Variants in FRA10AC1 observed in about 807,000 individuals in gnomAD.
FRA10AC1 encodes protein FRA10AC1.
Under a neutral mutation model 56.5 loss-of-function variants are expected in FRA10AC1, and 43 were observed. That is an observed-to-expected ratio of 0.76 (90% CI 0.60 to 0.98). FRA10AC1 has a LOEUF of 0.98. Ranked by LOEUF, FRA10AC1 falls within the 50% of genes least tolerant of loss-of-function variation. The pLI is 0.00. For synonymous variants in FRA10AC1, 112 were observed against 110.5 expected (o/e 1.01, Z -0.09); for missense variants, 346 against 351.8 (o/e 0.98, Z 0.13).
intron 8 of FRA10AC1, 66 bp from the exon 9 acceptor site, chr10:93,685,425 T>C (rs1179854954): frequency 1.4e-6 from 1 of 739,316 alleles, no homozygotes; most frequent in Non-Finnish European, 2.3e-6. Flanking sequence ...TGATCTAGTA[T>C]TACCCCTAAA....
intron 11 of FRA10AC1, among the ~76,000 whole-genome samples, chr10:93,681,211 G>A (rs2058928728): frequency 6.6e-6 from 1 of 152,154 alleles, no homozygotes; most frequent in African/African-American, 2.4e-5. Context: ...TAACAAGTCT[G>A]TAGGTGACAA....
chr10:93,697,083 A>G (rs1403210020), intron 4 of FRA10AC1, among the ~76,000 whole-genome samples: 1 of 152,162 alleles, frequency 6.6e-6, no homozygotes, highest in Non-Finnish European at 1.5e-5. Context: ...AAAATAAAGA[A>G]AAATAAAATA....
intron 5 of FRA10AC1, among the ~76,000 whole-genome samples, chr10:93,693,137 G>A (rs1371440497): frequency 6.6e-6 from 1 of 151,264 alleles, no homozygotes; most frequent in African/African-American, 2.4e-5. Flanking sequence ...AGTTTCCTAG[G>A]TAGAAGACTG....
chr10:93,702,807 T>C (rs12250970), upstream of FRA10AC1, among the ~76,000 whole-genome samples: 2,046 of 151,866 alleles, frequency 0.013, 46 homozygotes, highest in African/African-American at 0.048. Flanking sequence ...CTAGTACCGC[T>C]GGCACTGCTT....
intron 11 of FRA10AC1, among the ~76,000 whole-genome samples, chr10:93,679,928 T>C (rs1435347266): frequency 6.6e-6 from 1 of 152,132 alleles, no homozygotes; most frequent in Non-Finnish European, 1.5e-5. Context: ...GGAAAGAAAG[T>C]ATCAAGGATA....
At chr10:93,686,984 A>G (rs1231289181) in intron 8 of FRA10AC1, among the ~76,000 whole-genome samples, 2 of 151,900 alleles carry the variant, frequency 1.3e-5, no homozygotes, top group East Asian at 1.9e-4. Flanking sequence ...GCCTGCCCCA[A>G]AATTCTATTG....
chr10:93,686,948 T>C (rs2059038283), intron 8 of FRA10AC1, among the ~76,000 whole-genome samples: 1 of 151,914 alleles, frequency 6.6e-6, no homozygotes, highest in Non-Finnish European at 1.5e-5. Flanking sequence ...GGGCTCAATA[T>C]AAGGGACTTC....
In FRA10AC1 at chr10:93,668,755, C is replaced by G. The variant is rs994197228; in HGVS notation, c.*1071G>C. The G allele has an allele frequency of 6.6e-6, 1 of 152,146 alleles. No homozygotes were observed. The highest frequency in any genetic ancestry group is 2.4e-5 in the African/African-American group (1 of 41,416). The allele number at this position is 152,146 out of a possible 1,614,324, so 9.4% of individuals were successfully genotyped here. On this transcript the variant is annotated 3_prime_UTR_variant, in exon 14 of 14. Coordinates refer to ENST00000359204, the MANE Select transcript of FRA10AC1 (RefSeq NM_145246.5). ...TGAGACTTATTCACTACCACAAGAACAATATGGGGGAAACCGCCCCCTTGA... is the reference window on the plus strand; with the variant it reads ...TGAGACTTATTCACTACCACAAGAAGAATATGGGGGAAACCGCCCCCTTGA...
chr10:93,686,875 T>C (rs992693620), intron 8 of FRA10AC1, among the ~76,000 whole-genome samples: 2 of 151,828 alleles, frequency 1.3e-5, no homozygotes, highest in Admixed American at 6.6e-5. Context: ...CAATAATGCA[T>C]AGAAAAAGCA....
intron 12 of FRA10AC1, chr10:93,674,812 T>C (rs893936801): frequency 5.9e-5 from 9 of 152,086 alleles, no homozygotes; most frequent in African/African-American, 1.9e-4. Flanking sequence ...GATAAAAAAT[T>C]AGAACTGAAA....
chr10:93,695,607 C>A (rs1400957101), intron 4 of FRA10AC1, among the ~76,000 whole-genome samples: 1 of 152,108 alleles, frequency 6.6e-6, no homozygotes, highest in Non-Finnish European at 1.5e-5. Flanking sequence ...GCTAACCTCA[C>A]CTTCTACAAT....
rs2059270660 is a variant in FRA10AC1, at chr10:93,698,378, T to TA, written c.95dup (p.Leu32PhefsTer18). 1.2e-6 allele frequency: 2 copies of TA among 1,606,544 alleles called. No individual in the cohort carries two copies. The highest frequency in any genetic ancestry group is 1.7e-5 in the Admixed American group (1 of 59,972). ...CTTTCTGAAATGGTTTTTGGAGCAG[T>TA]AAGTCATCTTCAACTGTCCTGATAT... On this transcript the variant is annotated frameshift_variant, in exon 3 of 14. Transcript: ENST00000359204. LOFTEE classifies it high-confidence loss of function.
At chr10:93,693,673 C>CATATATATATACACCATATATATATAT (rs71031530) in intron 5 of FRA10AC1, among the ~76,000 whole-genome samples, 2 of 92,094 alleles carry the variant, frequency 2.2e-5, no homozygotes, top group African/African-American at 6.8e-5. Context: ...ATATATACAC[C>CATATATATATACACCATATATATATAT]ATATATATAT....
At chr10:93,689,226 C>G (rs1221418919) in intron 7 of FRA10AC1, among the ~76,000 whole-genome samples, 1 of 151,912 alleles carries the variant, frequency 6.6e-6, no homozygotes, top group Non-Finnish European at 1.5e-5. Context: ...TCCCAAAGTA[C>G]TGGGATTACA....
chr10:93,681,650 C>A (rs2058937992), intron 10 of FRA10AC1, 52 bp from the exon 11 acceptor site: 14 of 1,392,284 alleles, frequency 1.0e-5, no homozygotes, highest in Non-Finnish European at 9.4e-6. Context: ...CTGACCTTTT[C>A]AAAAATAACC....
chr10:93,693,109 T>C (rs1195721738), intron 5 of FRA10AC1, among the ~76,000 whole-genome samples: 1 of 151,896 alleles, frequency 6.6e-6, no homozygotes, highest in Non-Finnish European at 1.5e-5. Flanking sequence ...TGAAAAGTTT[T>C]CCGTATCTCA....
intron 11 of FRA10AC1, among the ~76,000 whole-genome samples, chr10:93,678,042 A>T (rs1285915594): frequency 6.6e-6 from 1 of 152,232 alleles, no homozygotes; most frequent in Non-Finnish European, 1.5e-5. Flanking sequence ...ACAGAAAATA[A>T]ACAATTTATT....
chr10:93,687,206 C>A (rs2059044721), intron 8 of FRA10AC1, among the ~76,000 whole-genome samples, 198 bp downstream of exon 8: 1 of 151,638 alleles, frequency 6.6e-6, no homozygotes, highest in South Asian at 2.1e-4. Flanking sequence ...GTTCTAAAGG[C>A]AAAAGTATAA....
chr10:93,696,974 T>C lies in FRA10AC1; in HGVS notation c.219+1162A>G, dbSNP rs531895266. Among the ~76,000 whole-genome samples the C allele has an allele frequency of 2.6e-5, 4 of 152,164 alleles. No individual in the cohort carries two copies. In the South Asian group the frequency reaches 8.3e-4, roughly 32 times the overall value. On this transcript the variant is annotated intron_variant, in intron 4 of 13. Transcript: ENST00000359204. The stretch of plus-strand genomic sequence containing the variant: ...GGTGGGCGGGGAAGGGTGAGGGTGA[T>C]GGGTTGATAGGTGCAGCAAACCACC...
Sources: gnomAD v4.1 joint callset for allele counts (sites outside exome capture counted in the v4.1 genomes callset) on GRCh38, gnomAD v4.1.1 for gene constraint, MANE v1.5 for transcripts, NCBI Gene and HGNC (gene_info 2026-07-23, HGNC 2026-07-21) for gene names.